Variants in NOXRED1 observed in about 807,000 individuals in gnomAD.
NOXRED1 encodes the protein NADP dependent oxidoreductase domain containing 1, also known as NADP-dependent oxidoreductase domain-containing protein 1.
Under a neutral mutation model 30.4 loss-of-function variants are expected in NOXRED1, and 20 were observed. That is an observed-to-expected ratio of 0.66 (90% CI 0.46 to 0.96). The LOEUF (loss-of-function observed/expected upper bound fraction) is 0.96. Among genes scored for constraint, NOXRED1 ranks in the 40% least tolerant of loss-of-function variants. The pLI is 0.00. For missense variants in NOXRED1, 374 were observed against 428.0 expected, an observed-to-expected ratio of 0.87 and a Z score of 1.11; for synonymous variants, 155 against 168.0, an observed-to-expected ratio of 0.92 and a Z score of 0.60.
intron 4 of NOXRED1, 84 bp downstream of exon 4, chr14:77,406,620 CACACACACACACACAGAGAG>C (rs1894465810): frequency 1.1e-6 from 1 of 911,696 alleles, no homozygotes; most frequent in African/African-American, 2.0e-5. Context: ...CACACACACA[CACACACACACACACAGAGAG>C]AGAGAGATTG....
chr14:77,402,520 G>T (rs1196548262), intron 5 of NOXRED1, among the ~76,000 whole-genome samples: 1 of 152,046 alleles, frequency 6.6e-6, no homozygotes, highest in African/African-American at 2.4e-5. Flanking sequence ...TGTAATCCCA[G>T]CTACTCGGGG....
At chr14:77,395,005 T>C (rs950139266) in intron 5 of NOXRED1, among the ~76,000 whole-genome samples, 200 bp from the exon 6 acceptor site, 5 of 152,206 alleles carry the variant, frequency 3.3e-5, no homozygotes, top group African/African-American at 4.8e-5. Flanking sequence ...TTCTCACACT[T>C]ATGTACATTT....
At chr14:77,425,452 A>AG (rs1224861768), upstream of NOXRED1, among the ~76,000 whole-genome samples, 13 of 152,254 alleles carry the variant, frequency 8.5e-5, no homozygotes, top group Admixed American at 1.3e-4. Flanking sequence ...ACCCTAACCA[A>AG]TATACTAGTT....
In NOXRED1 at chr14:77,414,137, G is replaced by A; in HGVS notation, c.156-10C>T. ...CTTATTTAATGATGCTCTGGAGAAT[G>A]AACACACAGACACGTACATAAATAC... On this transcript the variant is annotated splice_polypyrimidine_tract_variant and intron_variant, in intron 1 of 5. Transcript: ENST00000380835. 6.5e-7 allele frequency: 1 copy of A among 1,540,392 alleles called. No individual in the cohort carries two copies. The highest frequency in any genetic ancestry group is 8.9e-7 in the Non-Finnish European group (1 of 1,122,500).
rs61742046 is a variant in NOXRED1 at position 77,407,557 on chromosome 14, C to T, written c.438G>A (p.Pro146=). Residue 146 remains proline, a synonymous_variant, in exon 3 of 6, where the codon CCG becomes CCA. Transcript: ENST00000380835. ...WADVIFLCCL[P]SQLPNICVEI... ...CTACGCAGATATTAGGCAGCTGAGACGGCAAGCAGCAGAGGAATATCACAT... is the reference window on the plus strand; with the variant it reads ...CTACGCAGATATTAGGCAGCTGAGATGGCAAGCAGCAGAGGAATATCACAT... 39 of 1,613,800 alleles carry T rather than the reference C, an allele frequency of 2.4e-5. No homozygotes were observed. Among genetic ancestry groups the T allele is most frequent in the African/African-American group, 2.1e-4 (16 of 75,028 alleles).
chr14:77,402,974 G>A (rs176768), intron 5 of NOXRED1, among the ~76,000 whole-genome samples: 65,802 of 151,754 alleles, frequency 0.43, 16,736 homozygotes, highest in East Asian at 0.92. Context: ...GGCAGAGATC[G>A]CAGTGAGCCG....
In NOXRED1 at chr14:77,406,806, G is replaced by A. The variant is rs1323983456; in HGVS notation, c.600C>T (p.Ser200=). The A allele has an allele frequency of 1.2e-5, 20 of 1,613,714 alleles. No individual in the cohort carries two copies. The highest frequency in any genetic ancestry group is 3.3e-5 in the South Asian group (3 of 91,074). ...TGACTCCCTTATTGGCCCCCCAGAC[G>A]CTGACAGAATCTTCATCATACTGAT... is the stretch of plus-strand genomic sequence containing the variant. ...PQYQYDEDSV[S]VWGANKGVIA... The change falls in exon 4 of 6, where the codon AGC becomes AGT. Residue 200 remains serine (S), a synonymous_variant. Coordinates refer to ENST00000380835, the MANE Select transcript of NOXRED1 (RefSeq NM_001113475.3).
rs776093414 is a variant in NOXRED1, at chr14:77,406,614, CACACACACACACACACACACAG to C, written c.682+88_682+109del. On this transcript the variant is annotated intron_variant, in intron 4 of 5. Coordinates refer to ENST00000380835, the MANE Select transcript of NOXRED1 (RefSeq NM_001113475.3). Reference sequence around the variant, plus strand: ...TTACACACACACACACACACACACACACACACACACACACACACACAGAGAGAGAGAGATTGATTTAATAAGA... The same window carrying C: ...TTACACACACACACACACACACACACAGAGAGAGAGATTGATTTAATAAGA... 4,373 of 951,050 alleles carry C rather than the reference CACACACACACACACACACACAG, an allele frequency of 4.6e-3. 106 individuals carry two copies. The African/African-American group carries it at 0.067, about 15-fold the overall frequency. The allele number at this position is 951,050 out of a possible 1,614,324, so 58.9% of individuals were successfully genotyped here.
Position 77,414,026 on chromosome 14 carries a change from T to TG in NOXRED1, c.256dup (p.His86ProfsTer19). On this transcript the variant is annotated frameshift_variant, in exon 2 of 6. Transcript: ENST00000380835. LOFTEE classifies it high-confidence loss of function. Reference sequence around the variant, plus strand: ...TGTGCCAGCCAGCTGCTTCCCAAGGTGGCCACCTCCAATGATGCCCACCTT... The same window carrying TG: ...TGTGCCAGCCAGCTGCTTCCCAAGGTGGGCCACCTCCAATGATGCCCACCTT... 4 of 1,612,660 alleles carry TG rather than the reference T, an allele frequency of 2.5e-6. No homozygotes were observed. The African/African-American group carries it at 5.3e-5, about 21-fold the overall frequency.
At position 77,414,069 on chromosome 14, in the gene NOXRED1, C is replaced by T. The variant is rs376214621; in HGVS notation, c.214G>A (p.Ala72Thr). ...RHLSIGSLNS[A>T]TPEEFKVGII... ...CCCACCTTAAACTCTTCAGGAGTGG[C>T]TGAATTAAGGGAGCCAATTGAGAGA... The change falls in exon 2 of 6, where the codon GCC (alanine) becomes ACC (threonine). Residue 72 changes from alanine (A) to threonine (T), a missense_variant. Transcript: ENST00000380835. The T allele has an allele frequency of 1.9e-6, 3 of 1,609,680 alleles. No homozygotes were observed. In the African/African-American group the frequency reaches 4.0e-5, roughly 22 times the overall value.
intron 2 of NOXRED1, among the ~76,000 whole-genome samples, chr14:77,407,995 G>A (rs1894528386): frequency 6.6e-6 from 1 of 151,034 alleles, no homozygotes; most frequent in African/African-American, 2.4e-5. Context: ...AGCTGCTCAA[G>A]TAGCTGAGAT....
intron 5 of NOXRED1, among the ~76,000 whole-genome samples, chr14:77,402,667 T>C (rs570982623): frequency 6.6e-6 from 1 of 151,162 alleles, no homozygotes; most frequent in East Asian, 2.0e-4. Flanking sequence ...ACAAACCAAT[T>C]TAAAAATGGG....
chr14:77,415,479 AGAATCTCTT>A (rs1325508859), intron 1 of NOXRED1, among the ~76,000 whole-genome samples: 1 of 152,236 alleles, frequency 6.6e-6, no homozygotes, highest in East Asian at 1.9e-4. Context: ...CTGAGGCAGG[AGAATCTCTT>A]GAACCCGGGA....
At position 77,406,856 on chromosome 14, in the gene NOXRED1, G is replaced by A; in HGVS notation, c.550C>T (p.His184Tyr). ...TACTGAGGCCGCAAGATATTGGTGT[G>A]GTTCAACAGTAGTTTCAGCCTGGAA... is the stretch of plus-strand genomic sequence containing the variant. ...PLPRLKLLLN[H>Y]TNILRPQYQY... The change falls in exon 4 of 6, where the codon CAC becomes TAC. Residue 184 changes from histidine (H) to tyrosine (Y), a missense_variant. Physicochemically the swap from His to Tyr is moderately conservative, Grantham distance 83. Coordinates refer to ENST00000380835, the MANE Select transcript of NOXRED1 (RefSeq NM_001113475.3). 6.2e-7 allele frequency: 1 copy of A among 1,613,888 alleles called. No homozygotes were observed. The highest frequency in any genetic ancestry group is 8.5e-7 in the Non-Finnish European group (1 of 1,179,912).
At chr14:77,404,319 T>C (rs557691107) in intron 5 of NOXRED1, among the ~76,000 whole-genome samples, 1 of 152,278 alleles carries the variant, frequency 6.6e-6, no homozygotes, top group South Asian at 2.1e-4. Context: ...AAACTGTCCA[T>C]TGATGATTGA....
chr14:77,397,933 GA>G (rs1403544839), intron 5 of NOXRED1, among the ~76,000 whole-genome samples: 2 of 149,840 alleles, frequency 1.3e-5, no homozygotes, highest in Non-Finnish European at 3.0e-5. Context: ...TGACATGTAA[GA>G]AGCTAGAAGT....
At chr14:77,414,468 C>T (rs1003872282) in intron 1 of NOXRED1, among the ~76,000 whole-genome samples, 1 of 152,098 alleles carries the variant, frequency 6.6e-6, no homozygotes, top group African/African-American at 2.4e-5. Context: ...CGAGAGCCAC[C>T]GCACCCGGCC....
chr14:77,400,722 T>C (rs985775152), intron 5 of NOXRED1, among the ~76,000 whole-genome samples: 2 of 152,222 alleles, frequency 1.3e-5, no homozygotes, highest in African/African-American at 4.8e-5. Context: ...TGTTTAAATG[T>C]ATGTTGCAAA....
In NOXRED1 at chr14:77,406,589, TTA is replaced by T. The variant is rs1894462464; in HGVS notation, c.682+133_682+134del. On this transcript the variant is annotated intron_variant, in intron 4 of 5. Transcript: ENST00000380835. The stretch of plus-strand genomic sequence containing the variant: ...TAGCTCTCCTGCAGTACCTTGTGCC[TTA>T]CACACACACACACACACACACACAC... The T allele has an allele frequency of 5.0e-6, 4 of 794,130 alleles. No homozygotes were observed. The Admixed American group carries it at 8.3e-5, about 17-fold the overall frequency. 49.2% of individuals were successfully genotyped at this position (794,130 alleles called of 1,614,324 possible). A position where few individuals can be genotyped will look rare whatever the true frequency, so the allele number is the denominator to read the frequency against.
Sources: allele counts gnomAD v4.1 joint callset (sites outside exome capture counted in the v4.1 genomes callset), GRCh38; gene constraint gnomAD v4.1.1; transcripts MANE v1.5; gene names NCBI Gene and HGNC (gene_info 2026-07-23, HGNC 2026-07-21).